KYNU: variants seen among roughly 807,000 people sequenced by gnomAD.
KYNU encodes the protein kynureninase.
A neutral mutation model predicts 59.2 loss-of-function variants in KYNU; 54 were observed. That is an observed-to-expected ratio of 0.91 (90% CI 0.73 to 1.14). The LOEUF (loss-of-function observed/expected upper bound fraction) is 1.14. Ranked by LOEUF, KYNU falls within the 50% of genes most tolerant of loss-of-function variation. The pLI is 0.00. For missense variants in KYNU, 567 were observed against 554.4 expected (o/e 1.02, Z -0.23); for synonymous variants, 177 against 192.0 (o/e 0.92, Z 0.65).
intron 8 of KYNU, chr2:142,971,426 C>T (rs1329894752): frequency 6.6e-6 from 1 of 152,084 alleles, no homozygotes; most frequent in Admixed American, 6.6e-5. Context: ...CTTGTAGAAA[C>T]CTGCAAATGA....
chr2:143,013,480 A>G (rs766607592), intron 10 of KYNU, among the ~76,000 whole-genome samples: 2 of 152,160 alleles, frequency 1.3e-5, no homozygotes, highest in African/African-American at 2.4e-5. Context: ...AGGAATTGCT[A>G]GGTCTTATGG....
rs1193891539 is a variant in KYNU, at chr2:143,043,458, A to C, written c.*1286A>C. ...CAATTAAACAAGTTTGAATGAAATAAACAAACTTAGATAAACACTTCGGAT... is the reference window on the plus strand; with the variant it reads ...CAATTAAACAAGTTTGAATGAAATACACAAACTTAGATAAACACTTCGGAT... On this transcript the variant is annotated 3_prime_UTR_variant, in exon 14 of 14. Transcript: ENST00000264170. The C allele has an allele frequency of 1.3e-5, 2 of 151,996 alleles. No homozygotes were observed. Among genetic ancestry groups the C allele is most frequent in the Non-Finnish European group, 2.9e-5 (2 of 67,956 alleles). The allele number at this position is 151,996 out of a possible 1,614,324, so 9.4% of individuals were successfully genotyped here.
At chr2:142,995,835 C>G (rs1293753991) in intron 10 of KYNU, among the ~76,000 whole-genome samples, 1 of 151,902 alleles carries the variant, frequency 6.6e-6, no homozygotes, top group Non-Finnish European at 1.5e-5. Flanking sequence ...TCTGTTTGCT[C>G]CTTCTCTCAT....
At chr2:142,905,454 C>T (rs186261748) in intron 2 of KYNU, among the ~76,000 whole-genome samples, 4 of 152,196 alleles carry the variant, frequency 2.6e-5, no homozygotes, top group East Asian at 1.9e-4. Context: ...CCTTGTGTCC[C>T]GAAGGGAGTT....
intron 8 of KYNU, among the ~76,000 whole-genome samples, chr2:142,982,656 A>G (rs968736049): frequency 2.0e-5 from 3 of 152,098 alleles, no homozygotes; most frequent in Admixed American, 2.0e-4. Context: ...CAGTAGAGTT[A>G]ATATTAAACT....
In KYNU at chr2:143,045,664, T is replaced by A. The variant is rs1687153956; in HGVS notation, c.*3492T>A. 1 of 152,130 alleles carries A rather than the reference T, an allele frequency of 6.6e-6. No individual in the cohort carries two copies. The highest frequency in any genetic ancestry group is 6.6e-5 in the Admixed American group (1 of 15,248). The allele number at this position is 152,130 out of a possible 1,614,324, so 9.4% of individuals were successfully genotyped here. On this transcript the variant is annotated 3_prime_UTR_variant, in exon 14 of 14. Transcript: ENST00000264170. Reference sequence around the variant, plus strand: ...ATATACATATGTTGGTATATAGGAATGCTTTTATTTTAAAGATGGAAGATG... The same window carrying A: ...ATATACATATGTTGGTATATAGGAAAGCTTTTATTTTAAAGATGGAAGATG...
intron 10 of KYNU, among the ~76,000 whole-genome samples, chr2:143,021,731 C>T (rs935156478): frequency 6.6e-6 from 1 of 152,022 alleles, no homozygotes; most frequent in Non-Finnish European, 1.5e-5. Context: ...GAAATCCATC[C>T]CCATGGTCCA....
At chr2:142,965,501 C>T (rs1684499739) in intron 8 of KYNU, among the ~76,000 whole-genome samples, 1 of 152,110 alleles carries the variant, frequency 6.6e-6, no homozygotes, top group South Asian at 2.1e-4. Context: ...TGCCATCTCC[C>T]AAGTTTCCTT....
At chr2:142,976,415 G>A (rs1449963137) in intron 8 of KYNU, among the ~76,000 whole-genome samples, 1 of 152,166 alleles carries the variant, frequency 6.6e-6, no homozygotes, top group African/African-American at 2.4e-5. Context: ...GAGTGGCATG[G>A]AGAAGTGTTG....
At chr2:142,929,245 T>C (rs777991401) in intron 4 of KYNU, among the ~76,000 whole-genome samples, 2 of 145,216 alleles carry the variant, frequency 1.4e-5, no homozygotes, top group Non-Finnish European at 3.0e-5. Context: ...CTGAATGGAA[T>C]AGAAAAAAAA....
Position 142,985,193 on chromosome 2 carries a change from G to C in KYNU, c.828+11G>C. The C allele has an allele frequency of 6.7e-7, 1 of 1,489,162 alleles. No individual in the cohort carries two copies. Among genetic ancestry groups the C allele is most frequent in the African/African-American group, 1.4e-5 (1 of 72,346 alleles). The allele number at this position is 1,489,162 out of a possible 1,614,324, so 92.2% of individuals were successfully genotyped here. ...TGGTGTTCCTACAAGGTACAAACGAGTTAATACATTTACATCCCTTTATTT... is the reference window on the plus strand; with the variant it reads ...TGGTGTTCCTACAAGGTACAAACGACTTAATACATTTACATCCCTTTATTT... On this transcript the variant is annotated intron_variant, in intron 9 of 13. Transcript: ENST00000264170.
At chr2:143,005,640 A>T (rs1243708757) in intron 10 of KYNU, among the ~76,000 whole-genome samples, 1 of 152,114 alleles carries the variant, frequency 6.6e-6, no homozygotes. Context: ...AACCTTGTAT[A>T]TTTGAATAGT....
At chr2:142,964,811 G>C (rs750725125) in intron 8 of KYNU, 4 of 152,206 alleles carry the variant, frequency 2.6e-5, no homozygotes, top group Non-Finnish European at 4.4e-5. Context: ...GGAGGCCTGA[G>C]ATTGTAGCAA....
rs868829845 is a variant in KYNU, at chr2:143,043,106, T to C, written c.*934T>C. On this transcript the variant is annotated 3_prime_UTR_variant, in exon 14 of 14. Coordinates refer to ENST00000264170, the MANE Select transcript of KYNU (RefSeq NM_003937.3). Reference sequence around the variant, plus strand: ...TTTTTAAGAATGTTTCTTTCTTTAATGTTATCATAATCTCTTACTTTTTAA... The same window carrying C: ...TTTTTAAGAATGTTTCTTTCTTTAACGTTATCATAATCTCTTACTTTTTAA... 1 of 152,036 alleles carries C rather than the reference T, an allele frequency of 6.6e-6. No homozygotes were observed. The highest frequency in any genetic ancestry group is 2.4e-5 in the African/African-American group (1 of 41,448). 9.4% of individuals were successfully genotyped at this position (152,036 alleles called of 1,614,324 possible). A position where few individuals can be genotyped will look rare whatever the true frequency, so the allele number is the denominator to read the frequency against.
chr2:143,043,727 AAT>A lies in KYNU; in HGVS notation c.*1563_*1564del, dbSNP rs888207478. On this transcript the variant is annotated 3_prime_UTR_variant, in exon 14 of 14. Transcript: ENST00000264170. ...AAGTGGATTCATATACATATATAAA[AAT>A]ATATATAAATATATATACTTTATAT... 3 of 146,614 alleles carry A rather than the reference AAT, an allele frequency of 2.0e-5. No homozygotes were observed. The highest frequency in any genetic ancestry group is 2.0e-4 in the East Asian group (1 of 5,104). 9.1% of individuals were successfully genotyped at this position (146,614 alleles called of 1,614,324 possible).
At chr2:142,892,640 A>T (rs1413522319) in intron 2 of KYNU, among the ~76,000 whole-genome samples, 3 of 152,198 alleles carry the variant, frequency 2.0e-5, no homozygotes, top group Non-Finnish European at 4.4e-5. Context: ...AAAGGAAAAT[A>T]TTCAGTAAAT....
chr2:142,960,867 C>A, intron 8 of KYNU, 97 bp downstream of exon 8: 6 of 1,224,262 alleles, frequency 4.9e-6, no homozygotes, highest in East Asian at 2.4e-5. Context: ...TAGCTTGTGT[C>A]TGAGTAAAAC....
chr2:142,988,996 T>G (rs1322220882), intron 10 of KYNU: 17 of 956,920 alleles, frequency 1.8e-5, no homozygotes, highest in East Asian at 2.5e-5. Flanking sequence ...TTTTACTTTT[T>G]TATTCACCTG....
intron 2 of KYNU, among the ~76,000 whole-genome samples, chr2:142,917,386 C>T (rs1020861018): frequency 6.6e-6 from 1 of 152,052 alleles, no homozygotes; most frequent in African/African-American, 2.4e-5. Context: ...TGGATATAAT[C>T]CCAAAGGCAC....
Sources: allele counts gnomAD v4.1 joint callset (sites outside exome capture counted in the v4.1 genomes callset), GRCh38; gene constraint gnomAD v4.1.1; transcripts MANE v1.5; gene names NCBI Gene and HGNC (gene_info 2026-07-23, HGNC 2026-07-21).